The following GNAS variants were observed in gnomAD, a reference collection of about 807,000 sequenced individuals.
The protein encoded by GNAS is protein ALEX.
A neutral mutation model predicts 54.5 loss-of-function variants in GNAS; 8 were observed. The ratio of observed to expected loss-of-function variants is 0.15; its 90% confidence interval spans 0.09 to 0.26. The LOEUF (loss-of-function observed/expected upper bound fraction) is 0.26, where lower values mean the gene tolerates loss of function less well. Among genes scored for constraint, GNAS ranks in the 10% least tolerant of loss-of-function variants. The pLI, the probability that GNAS is intolerant of heterozygous loss-of-function variation, is 1.00. For synonymous variants in GNAS, 204 were observed against 191.4 expected (o/e 1.07, Z -0.54); for missense variants, 170 against 529.8 (o/e 0.32, Z 6.67).
chr20:58,840,572 G>T, upstream of GNAS: 7 of 1,612,608 alleles, frequency 4.3e-6, no homozygotes, highest in Non-Finnish European at 5.1e-6. The surrounding 1 kb of genome is among the most constrained non-coding windows in gnomAD (Gnocchi z 6.0). Flanking sequence ...CTCCACCTTC[G>T]GCCAGTCCCT....
chr20:58,854,012 C>T (rs373991466), intron 1 of GNAS: 4 of 1,611,576 alleles, frequency 2.5e-6, no homozygotes, highest in Middle Eastern at 1.6e-4. Context: ...TCGCACAAGT[C>T]GACGGCAGCA....
chr20:58,848,159 C>T (rs2086007148), intron 1 of GNAS, among the ~76,000 whole-genome samples: 1 of 152,208 alleles, frequency 6.6e-6, no homozygotes, highest in Non-Finnish European at 1.5e-5. Flanking sequence ...TCTTCCCATG[C>T]CTTTCTTAGT....
At chr20:58,886,172 G>A (rs900276676) in intron 1 of GNAS, among the ~76,000 whole-genome samples, 1 of 152,192 alleles carries the variant, frequency 6.6e-6, no homozygotes, top group South Asian at 2.1e-4. Context: ...TCACCACGAA[G>A]CTGACAAGAC....
intron 1 of GNAS, among the ~76,000 whole-genome samples, chr20:58,878,980 C>T (rs1600859244): frequency 6.6e-6 from 1 of 152,068 alleles, no homozygotes; most frequent in Admixed American, 6.6e-5. Flanking sequence ...AAGCCCACTT[C>T]AGGAGACCAC....
At chr20:58,875,354 G>C (rs185429469) in intron 1 of GNAS, among the ~76,000 whole-genome samples, 7 of 152,274 alleles carry the variant, frequency 4.6e-5, no homozygotes, top group Non-Finnish European at 7.4e-5. Context: ...GGCTGATGAG[G>C]CTACTCGTAA....
At chr20:58,881,792 T>A (rs2088239547) in intron 1 of GNAS, 1 of 152,206 alleles carries the variant, frequency 6.6e-6, no homozygotes, top group Non-Finnish European at 1.5e-5. Context: ...GTTAGGTCAC[T>A]GCAACCCTGG....
intron 1 of GNAS, among the ~76,000 whole-genome samples, chr20:58,893,565 CTT>C (rs1386845932): frequency 1.3e-5 from 2 of 152,144 alleles, no homozygotes; most frequent in African/African-American, 4.8e-5. Context: ...TAGGTCATGA[CTT>C]TGTTCTCCTG....
Position 58,891,619 on chromosome 20 carries a change from C to CGCCCG in GNAS, c.-102_-98dup. ...GCTCCTTGCCGAGGAGCCGAGCCCGCGCCCGGCCCGCCCGCCCGGCGCTGC... is the reference window on the plus strand; with the variant it reads ...GCTCCTTGCCGAGGAGCCGAGCCCGCGCCCGGCCCGGCCCGCCCGCCCGGCGCTGC... On this transcript the variant is annotated 5_prime_UTR_variant, in exon 1 of 13. Coordinates refer to ENST00000371085, the MANE Select transcript of GNAS (RefSeq NM_000516.7). 1.0e-6 allele frequency: 1 copy of CGCCCG among 969,584 alleles called. No homozygotes were observed. Among genetic ancestry groups the CGCCCG allele is most frequent in the Non-Finnish European group, 1.2e-6 (1 of 821,428 alleles). The allele number at this position is 969,584 out of a possible 1,614,324, so 60.1% of individuals were successfully genotyped here. A position where few individuals can be genotyped will look rare whatever the true frequency, so the allele number is the denominator to read the frequency against.
rs75561530 is a variant in GNAS, at chr20:58,910,062, C to A, written c.951C>A (p.Arg317=). Reference sequence around the variant, plus strand: ...AGGACTACTTTCCAGAATTTGCTCGCTACACTACTCCTGAGGATGGTGTGT... The same window carrying A: ...AGGACTACTTTCCAGAATTTGCTCGATACACTACTCCTGAGGATGGTGTGT... ...KIEDYFPEFA[R]YTTPEDATPE... Residue 317 remains arginine, a synonymous_variant, in exon 11 of 13, where the codon CGC becomes CGA. Transcript: ENST00000371085. The surrounding 1 kb of genome is among the most constrained non-coding windows in gnomAD (Gnocchi z 5.8). The A allele has an allele frequency of 6.2e-7, 1 of 1,613,792 alleles. No homozygotes were observed. The highest frequency in any genetic ancestry group is 2.2e-5 in the East Asian group (1 of 44,876).
rs1410403989 is a variant in GNAS at position 58,891,644 on chromosome 20, CCCCGGCCCT to C, written c.-74_-66del. The stretch of plus-strand genomic sequence containing the variant: ...CGCCCGGCCCGCCCGCCCGGCGCTG[CCCCGGCCCT>C]CCCGGCCCGCGTGAGGCCGCCCGCG... On this transcript the variant is annotated 5_prime_UTR_variant, in exon 1 of 13. Transcript: ENST00000371085. 1.6e-5 allele frequency: 16 copies of C among 970,428 alleles called. No individual in the cohort carries two copies. Among genetic ancestry groups the C allele is most frequent in the Non-Finnish European group, 1.9e-5 (16 of 822,428 alleles). 60.1% of individuals were successfully genotyped at this position (970,428 alleles called of 1,614,324 possible).
chr20:58,866,607 A>G (rs886483806), intron 1 of GNAS, among the ~76,000 whole-genome samples: 1 of 152,194 alleles, frequency 6.6e-6, no homozygotes, highest in Non-Finnish European at 1.5e-5. Flanking sequence ...CTTCTTTGTT[A>G]TATTTTGACA....
At chr20:58,890,147 AAAGGAGGAGAAGAAGAAGGAG>A (rs889445862), upstream of GNAS, among the ~76,000 whole-genome samples, 2 of 151,826 alleles carry the variant, frequency 1.3e-5, no homozygotes, top group African/African-American at 4.8e-5. Context: ...AGCAGAGGCG[AAAGGAGGAGAAGAAGAAGGAG>A]AAGGAGAGGA....
intron 1 of GNAS, among the ~76,000 whole-genome samples, chr20:58,884,014 C>T (rs185165227): frequency 1.9e-4 from 29 of 152,296 alleles, no homozygotes; most frequent in Admixed American, 1.8e-3. Context: ...AATTATGTCA[C>T]GTTAATTGCT....
intron 1 of GNAS, among the ~76,000 whole-genome samples, chr20:58,852,413 C>T (rs2086216084): frequency 1.3e-5 from 2 of 152,222 alleles, no homozygotes; most frequent in Non-Finnish European, 2.9e-5. Context: ...CTTTGGTGGG[C>T]TCACGACCAC....
Position 58,853,988 on chromosome 20 carries a change from G to T in GNAS, c.43+13102G>T, listed in dbSNP as rs369666847. The T allele has an allele frequency of 2.5e-5, 41 of 1,612,034 alleles. No homozygotes were observed. In the African/African-American group the frequency reaches 5.3e-4, roughly 21 times the overall value. On this transcript the variant is annotated intron_variant, in intron 1 of 12. Coordinates refer to the GNAS transcript ENST00000306090. The surrounding 1 kb of genome is among the most constrained non-coding windows in gnomAD (Gnocchi z 4.4). ...TTGGGGACGACAGCCCACCCCCGGG[G>T]CTTTCCCGAGTTATCGCACAAGTCG...
At chr20:58,861,936 C>G (rs907527195) in intron 1 of GNAS, among the ~76,000 whole-genome samples, 1 of 152,048 alleles carries the variant, frequency 6.6e-6, no homozygotes, top group Admixed American at 6.6e-5. Context: ...AACTCCTGAC[C>G]TCAGATGATC....
rs947712921 is a variant in GNAS at position 58,899,069 on chromosome 20, G to A, written c.257+84G>A. 35 of 1,045,766 alleles carry A rather than the reference G, an allele frequency of 3.3e-5. No homozygotes were observed. The East Asian group carries it at 5.2e-4, about 15-fold the overall frequency. The allele number at this position is 1,045,766 out of a possible 1,614,324, so 64.8% of individuals were successfully genotyped here. A position where few individuals can be genotyped will look rare whatever the true frequency, so the allele number is the denominator to read the frequency against. ...ACTGGGAAACTGAGGCCAGAGACCCGGGAAGAAAATAAAAATCATTTAAAG... is the reference window on the plus strand; with the variant it reads ...ACTGGGAAACTGAGGCCAGAGACCCAGGAAGAAAATAAAAATCATTTAAAG... On this transcript the variant is annotated intron_variant, in intron 3 of 12. Coordinates refer to ENST00000371085, the MANE Select transcript of GNAS (RefSeq NM_000516.7).
chr20:58,882,299 C>T (rs1334432388), intron 1 of GNAS, among the ~76,000 whole-genome samples: 2 of 152,190 alleles, frequency 1.3e-5, no homozygotes, highest in African/African-American at 4.8e-5. Context: ...CCTCGTGATC[C>T]GCCTGCCTCG....
chr20:58,910,141 A>G lies in GNAS; in HGVS notation c.970+60A>G. The G allele has an allele frequency of 6.4e-7, 1 of 1,573,670 alleles. No homozygotes were observed. The highest frequency in any genetic ancestry group is 8.7e-7 in the Non-Finnish European group (1 of 1,143,500). On this transcript the variant is annotated intron_variant, in intron 11 of 12. Coordinates refer to ENST00000371085, the MANE Select transcript of GNAS (RefSeq NM_000516.7). This position sits in a 1 kb window ranked among gnomAD's most constrained non-coding sequence, Gnocchi z 5.8. ...TGCGGTGGTTCTTTTTCAAACGGTC[A>G]GGCTGAAAACCCCCATCCCCCTCCC...
Sources: allele counts gnomAD v4.1 joint callset (sites outside exome capture counted in the v4.1 genomes callset), GRCh38; gene constraint gnomAD v4.1.1; non-coding constraint Gnocchi (gnomAD v3.1); transcripts MANE v1.5; gene names NCBI Gene and HGNC (gene_info 2026-07-23, HGNC 2026-07-21).